The following LARGE1 variants were observed in gnomAD, a reference collection of about 807,000 sequenced individuals.
LARGE1 encodes the protein LARGE xylosyl- and glucuronyltransferase 1, also known as xylosyl- and glucuronyltransferase LARGE1.
A neutral mutation model predicts 87.6 loss-of-function variants in LARGE1; 43 were observed. That is an observed-to-expected ratio of 0.49 (90% confidence interval 0.38 to 0.63). The LOEUF is 0.63. LARGE1 is among the 30% of genes least tolerant of loss of function. LARGE1 has a pLI of 0.00. For synonymous variants in LARGE1, 434 were observed against 394.6 expected (o/e 1.10, Z -1.18); for missense variants, 802 against 1,000.2 (o/e 0.80, Z 2.67).
the LARGE1 span, among the ~76,000 whole-genome samples, chr22:33,086,584 C>T: frequency 5.5e-5 from 7 of 127,374 alleles, no homozygotes; most frequent in Admixed American, 3.7e-4. Flanking sequence ...GACAGAGTCT[C>T]TCTCTGTCAC....
At chr22:33,454,581 T>C (rs1012799780) in intron 6 of LARGE1, among the ~76,000 whole-genome samples, 2 of 145,716 alleles carry the variant, frequency 1.4e-5, no homozygotes, top group African/African-American at 2.6e-5. Flanking sequence ...ATTGAGCCAC[T>C]GCACTTCAGC....
chr22:33,166,788 G>C (rs766338178), exon 12 of LARGE1: 19 of 471,470 alleles, frequency 4.0e-5, no homozygotes, highest in South Asian at 2.9e-4. Flanking sequence ...TGGAACTGTC[G>C]TCTTGCAGCT....
intron 5 of LARGE1, among the ~76,000 whole-genome samples, chr22:33,581,870 T>C (rs1006148335): frequency 7.1e-6 from 1 of 140,734 alleles, no homozygotes; most frequent in Non-Finnish European, 1.5e-5. Context: ...GGAAAGAGAG[T>C]AATGAATGGA....
the LARGE1 span, among the ~76,000 whole-genome samples, chr22:33,118,514 A>G: frequency 6.7e-6 from 1 of 149,258 alleles, no homozygotes; most frequent in African/African-American, 2.5e-5. Flanking sequence ...GAAAAAAAAA[A>G]AAAAAAGAAA....
At chr22:33,339,753 T>C (rs9680641) in intron 9 of LARGE1, among the ~76,000 whole-genome samples, 19,994 of 152,154 alleles carry the variant, frequency 0.13, 2,717 homozygotes, top group African/African-American at 0.35. Context: ...ACTGCAGCCT[T>C]GACCTCCTGG....
intron 4 of LARGE1, among the ~76,000 whole-genome samples, chr22:33,608,444 C>A (rs2079328931): frequency 6.6e-6 from 1 of 152,116 alleles, no homozygotes; most frequent in Admixed American, 6.5e-5. Flanking sequence ...TTCCTCGTGT[C>A]TTTCTTCTGC....
chr22:33,791,744 C>A (rs943896574), intron 1 of LARGE1, among the ~76,000 whole-genome samples: 1 of 152,200 alleles, frequency 6.6e-6, no homozygotes, highest in East Asian at 1.9e-4. Flanking sequence ...AGGCTTACTA[C>A]TTCTATGACC....
intron 10 of LARGE1, among the ~76,000 whole-genome samples, chr22:33,324,500 G>T (rs1228074094): frequency 6.6e-6 from 1 of 152,128 alleles, no homozygotes; most frequent in East Asian, 1.9e-4. Flanking sequence ...ACAAAAGACA[G>T]ATTTCTCCTG....
chr22:33,113,546 C>T, the LARGE1 span, among the ~76,000 whole-genome samples: 5 of 152,208 alleles, frequency 3.3e-5, no homozygotes, highest in African/African-American at 1.2e-4. Context: ...CATATTATCA[C>T]TTACCCATTC....
the LARGE1 span, among the ~76,000 whole-genome samples, chr22:33,078,608 GT>G: frequency 6.6e-6 from 1 of 152,174 alleles, no homozygotes; most frequent in African/African-American, 2.4e-5. Context: ...AACCAATGCT[GT>G]CTGTCACTAT....
intron 1 of LARGE1, among the ~76,000 whole-genome samples, chr22:33,913,304 C>T (rs144299257): frequency 7.7e-4 from 117 of 152,194 alleles, no homozygotes; most frequent in African/African-American, 2.3e-3. Context: ...GTAGAATGTG[C>T]GGGTGGTTAA....
At chr22:33,447,385 G>C (rs1175914729) in intron 6 of LARGE1, among the ~76,000 whole-genome samples, 1 of 152,214 alleles carries the variant, frequency 6.6e-6, no homozygotes, top group Non-Finnish European at 1.5e-5. Context: ...AACATCTTCT[G>C]AGGGGCCTGT....
At chr22:33,891,527 T>C (rs2065007000) in intron 1 of LARGE1, among the ~76,000 whole-genome samples, 1 of 152,114 alleles carries the variant, frequency 6.6e-6, no homozygotes, top group Non-Finnish European at 1.5e-5. Flanking sequence ...TGTTACTGCA[T>C]GACTTTAGCA....
At chr22:33,221,249 A>G (rs979733455) in intron 11 of LARGE1, among the ~76,000 whole-genome samples, 1 of 152,196 alleles carries the variant, frequency 6.6e-6, no homozygotes, top group Non-Finnish European at 1.5e-5. Context: ...TTACAAATTT[A>G]GTGCTGTGTA....
At position 33,206,280 on chromosome 22, in the gene LARGE1, C is replaced by T. The variant is rs546432688; in HGVS notation, c.1731-39448G>A. ...CTAACTTTTGTATTTTTAATAGAGA[C>T]GGGGTTTCACCATGTTGGCCAGGCT... is the stretch of plus-strand genomic sequence containing the variant. On this transcript the variant is annotated intron_variant, in intron 11 of 11. Transcript: ENST00000608642. Among the ~76,000 whole-genome samples the T allele has an allele frequency of 1.5e-4, 23 of 151,756 alleles. No individual in the cohort carries two copies. The East Asian group carries it at 2.1e-3, about 14-fold the overall frequency.
intron 2 of LARGE1, among the ~76,000 whole-genome samples, chr22:33,711,696 G>T (rs2082735409): frequency 2.0e-5 from 3 of 152,234 alleles, no homozygotes; most frequent in South Asian, 4.1e-4. Context: ...ACCCAGGCTG[G>T]AGTGCAATGG....
chr22:33,822,588 C>T (rs990927513), intron 1 of LARGE1, among the ~76,000 whole-genome samples: 5 of 152,084 alleles, frequency 3.3e-5, no homozygotes, highest in African/African-American at 4.8e-5. Flanking sequence ...ATCCCAGCTA[C>T]TCGGGAGGCT....
chr22:33,146,464 T>C, the LARGE1 span, among the ~76,000 whole-genome samples: 1 of 152,170 alleles, frequency 6.6e-6, no homozygotes, highest in Non-Finnish European at 1.5e-5. Context: ...GACGTGTAAG[T>C]TAGTAGTGCT....
intron 1 of LARGE1, among the ~76,000 whole-genome samples, chr22:33,904,988 A>G (rs2065398756): frequency 6.6e-6 from 1 of 152,152 alleles, no homozygotes; most frequent in African/African-American, 2.4e-5. Context: ...AATCAACTTA[A>G]AAATTACCCA....
Sources: gnomAD v4.1 joint callset for allele counts (sites outside exome capture counted in the v4.1 genomes callset) on GRCh38, gnomAD v4.1.1 for gene constraint, MANE v1.5 for transcripts, NCBI Gene and HGNC (gene_info 2026-07-23, HGNC 2026-07-21) for gene names.